Variants in AFG3L2 observed in about 807,000 individuals in gnomAD.
AFG3L2 encodes the protein AFG3 like matrix AAA peptidase subunit 2, also known as mitochondrial inner membrane m-AAA protease component AFG3L2.
Under a neutral mutation model 94.5 loss-of-function variants are expected in AFG3L2, and 54 were observed. That is an observed-to-expected ratio of 0.57 (90% CI 0.46 to 0.72). The LOEUF is 0.72. Ranked by LOEUF, AFG3L2 falls within the 30% of genes least tolerant of loss-of-function variation. The probability of loss-of-function intolerance (pLI) is 0.00; values close to 1 mark genes in which losing one functional copy is unlikely to be tolerated. For missense variants in AFG3L2, 754 were observed against 994.9 expected (o/e 0.76, Z 3.26); for synonymous variants, 377 against 365.5 (o/e 1.03, Z -0.36).
rs1198529180 is a variant in AFG3L2, at chr18:12,340,270, G to C, written c.1911C>G (p.Ile637Met). ...CACCAGTTGTAATTCTTCCAAAGAA[G>C]ATTTCTTCAGAGACTCGACCACCTA... ...MTLGGRVSEEIFFGRITTGAQ... is the reference protein window; with the variant it reads ...MTLGGRVSEEMFFGRITTGAQ... Residue 637 changes from isoleucine to methionine, a missense_variant, in exon 15 of 17, where the codon ATC becomes ATG. Around this residue, in one of 4 missense-constraint regions of AFG3L2, gnomAD observed 279 missense variants for 378.6 expected, o/e 0.74. Transcript: ENST00000269143. 1.2e-6 allele frequency: 2 copies of C among 1,614,154 alleles called. No homozygotes were observed. The highest frequency in any genetic ancestry group is 1.7e-5 in the Admixed American group (1 of 60,024).
Position 12,377,094 on chromosome 18 carries a change from T to G in AFG3L2, c.-12A>C. 7.1e-7 allele frequency: 1 copy of G among 1,402,610 alleles called. No individual in the cohort carries two copies. Among genetic ancestry groups the G allele is most frequent in the Non-Finnish European group, 9.3e-7 (1 of 1,076,474 alleles). The allele number at this position is 1,402,610 out of a possible 1,614,324, so 86.9% of individuals were successfully genotyped here. ...CAGCGGTGCGCCATGGCCGCCGCCG[T>G]GGCCCTCTCGGCCCGGGACGCTGCG... is the stretch of plus-strand genomic sequence containing the variant. On this transcript the variant is annotated 5_prime_UTR_variant, in exon 1 of 17. Coordinates refer to ENST00000269143, the MANE Select transcript of AFG3L2 (RefSeq NM_006796.3).
intron 2 of AFG3L2, 70 bp downstream of exon 2, chr18:12,371,522 T>C: frequency 1.6e-6 from 2 of 1,229,582 alleles, no homozygotes; most frequent in Non-Finnish European, 2.4e-6. Context: ...GGCAGGGGAA[T>C]GGGTTACAGA....
chr18:12,355,078 C>A (rs1239432463), intron 9 of AFG3L2, among the ~76,000 whole-genome samples: 5 of 151,898 alleles, frequency 3.3e-5, no homozygotes, highest in African/African-American at 1.2e-4. Flanking sequence ...ATTAGCTGGG[C>A]ATGGTGGTGG....
chr18:12,345,711 C>T (rs1908112384), intron 13 of AFG3L2, among the ~76,000 whole-genome samples: 1 of 152,158 alleles, frequency 6.6e-6, no homozygotes. Context: ...CGTGGCTGCC[C>T]GCTCTGCCCT....
intron 16 of AFG3L2, among the ~76,000 whole-genome samples, chr18:12,336,655 C>T (rs1002485633): frequency 2.6e-5 from 4 of 152,180 alleles, no homozygotes; most frequent in Non-Finnish European, 5.9e-5. Context: ...ATCTATTAGG[C>T]AGTTGTGTCA....
intron 9 of AFG3L2, among the ~76,000 whole-genome samples, chr18:12,354,736 C>A (rs1332113294): frequency 2.0e-5 from 3 of 152,134 alleles, no homozygotes; most frequent in African/African-American, 7.2e-5. Flanking sequence ...CAACTCTTTA[C>A]CACTTCTCAG....
chr18:12,349,497 A>G (rs1376070885), intron 12 of AFG3L2, among the ~76,000 whole-genome samples: 2 of 152,330 alleles, frequency 1.3e-5, no homozygotes, highest in African/African-American at 2.4e-5. Context: ...AAACAGCCCA[A>G]ATGGCCATCA....
intron 9 of AFG3L2, among the ~76,000 whole-genome samples, chr18:12,353,710 A>T (rs1283012352): frequency 6.6e-6 from 1 of 152,172 alleles, no homozygotes; most frequent in Non-Finnish European, 1.5e-5. Flanking sequence ...AAATTACTGT[A>T]TATGTAATAA....
intron 15 of AFG3L2, among the ~76,000 whole-genome samples, chr18:12,337,935 A>T (rs1272098215): frequency 6.6e-6 from 1 of 152,060 alleles, no homozygotes; most frequent in Non-Finnish European, 1.5e-5. Context: ...ACTCCCGGCT[A>T]ATTTTTGTAT....
In AFG3L2 at chr18:12,358,664, T is replaced by C. The variant is rs1463622047; in HGVS notation, c.1026+6A>G. 25 of 1,613,730 alleles carry C rather than the reference T, an allele frequency of 1.5e-5. No homozygotes were observed. Among genetic ancestry groups the C allele is most frequent in the Non-Finnish European group, 2.0e-5 (24 of 1,179,724 alleles). On this transcript the variant is annotated splice_donor_region_variant and intron_variant, in intron 8 of 16. Transcript: ENST00000269143. The stretch of plus-strand genomic sequence containing the variant: ...TTCAAAAAGTTAATCTTAAATTTCA[T>C]TTTACCTTTGGGATTTTTGCTCCTA...
Position 12,329,129 on chromosome 18 carries a change from C to G in AFG3L2, c.*436G>C. The G allele has an allele frequency of 1.4e-6, 1 of 702,928 alleles. No individual in the cohort carries two copies. The highest frequency in any genetic ancestry group is 2.6e-6 in the Non-Finnish European group (1 of 384,976). 43.5% of individuals were successfully genotyped at this position (702,928 alleles called of 1,614,324 possible). A position where few individuals can be genotyped will look rare whatever the true frequency, so the allele number is the denominator to read the frequency against. ...AAATTAAAATGTTCTTATCAAGACT[C>G]CAATTTAATTTCACAGCCCATCTGC... On this transcript the variant is annotated 3_prime_UTR_variant, in exon 17 of 17. Coordinates refer to ENST00000269143, the MANE Select transcript of AFG3L2 (RefSeq NM_006796.3).
In AFG3L2 at chr18:12,344,155, C is replaced by G. The variant is rs767536465; in HGVS notation, c.1756G>C (p.Glu586Gln). The G allele has an allele frequency of 1.2e-6, 2 of 1,613,772 alleles. No individual in the cohort carries two copies. The highest frequency in any genetic ancestry group is 2.2e-5 in the East Asian group (1 of 44,890). The change falls in exon 14 of 17, where the codon GAG becomes CAG. Residue 586 changes from glutamate (E) to glutamine (Q), a missense_variant. Coordinates refer to ENST00000269143, the MANE Select transcript of AFG3L2 (RefSeq NM_006796.3). ...ACCTTTAAAAGCGGGTCTGCGTGCT[C>G]CAGATACCAGCCGGCAACCGCATGG... is the stretch of plus-strand genomic sequence containing the variant. ...AGHAVAGWYL[E>Q]HADPLLKVSI...
intron 12 of AFG3L2, among the ~76,000 whole-genome samples, chr18:12,348,592 C>G (rs1034384879): frequency 6.6e-6 from 1 of 152,180 alleles, no homozygotes. Flanking sequence ...GCCCTCTGAA[C>G]TAAGATGAAA....
chr18:12,332,737 A>T (rs1907575425), intron 16 of AFG3L2, among the ~76,000 whole-genome samples: 1 of 149,578 alleles, frequency 6.7e-6, no homozygotes, highest in Non-Finnish European at 1.5e-5. Context: ...CCAGAATACT[A>T]TAATGCTCTG....
intron 16 of AFG3L2, 148 bp from the exon 17 acceptor site, chr18:12,329,931 G>A: frequency 1.4e-6 from 1 of 710,014 alleles, no homozygotes; most frequent in Non-Finnish European, 2.4e-6. Flanking sequence ...CATAGTTTTA[G>A]AGTAAGATGT....
intron 7 of AFG3L2, 106 bp downstream of exon 7, chr18:12,359,821 A>C (rs1908604297): frequency 2.1e-6 from 3 of 1,441,618 alleles, no homozygotes; most frequent in Non-Finnish European, 2.9e-6. Flanking sequence ...CAAACTGATA[A>C]AGGCCTGTTT....
chr18:12,359,895 A>C (rs370519408), intron 7 of AFG3L2, 32 bp downstream of exon 7: 12 of 1,611,686 alleles, frequency 7.4e-6, no homozygotes, highest in Middle Eastern at 2.2e-4. Context: ...CAGCACAGTC[A>C]ACAGTCTACA....
At chr18:12,337,643 C>G in intron 15 of AFG3L2, 108 bp from the exon 16 acceptor site, 1 of 953,618 alleles carries the variant, frequency 1.0e-6, no homozygotes, top group Non-Finnish European at 1.7e-6. Flanking sequence ...CTCTGTGTAG[C>G]CAGCAGCAGC....
chr18:12,371,218 G>A (rs949114925), intron 2 of AFG3L2, among the ~76,000 whole-genome samples: 7 of 151,834 alleles, frequency 4.6e-5, no homozygotes, highest in African/African-American at 1.7e-4. Flanking sequence ...GGAGGCTGAG[G>A]CAGGAGAATC....
Sources: allele counts gnomAD v4.1 joint callset (sites outside exome capture counted in the v4.1 genomes callset), GRCh38; gene constraint gnomAD v4.1.1; regional missense constraint gnomAD v4.1.1; transcripts MANE v1.5; gene names NCBI Gene and HGNC (gene_info 2026-07-23, HGNC 2026-07-21).